The following PRKCH variants were observed in gnomAD, a reference collection of about 807,000 sequenced individuals.
PRKCH encodes protein kinase C eta type.
A neutral mutation model predicts 82.5 loss-of-function variants in PRKCH; 28 were observed. The ratio of observed to expected loss-of-function variants is 0.34; its 90% CI spans 0.25 to 0.47. The LOEUF is 0.47. Ranked by LOEUF, PRKCH falls within the 20% of genes least tolerant of loss-of-function variation. The probability of loss-of-function intolerance (pLI) is 1.00; values close to 1 mark genes in which losing one functional copy is unlikely to be tolerated. For missense variants in PRKCH, 705 were observed against 881.8 expected (o/e 0.80, Z 2.54); for synonymous variants, 322 against 327.4 (o/e 0.98, Z 0.18).
chr14:61,240,457 T>A (rs533700659), intron 1 of PRKCH, among the ~76,000 whole-genome samples: 1 of 152,268 alleles, frequency 6.6e-6, no homozygotes, highest in Non-Finnish European at 1.5e-5. Flanking sequence ...CATGTGGTGT[T>A]ACCTGGAGGT....
chr14:61,474,796 G>A (rs1185080856), intron 9 of PRKCH, among the ~76,000 whole-genome samples: 5 of 152,224 alleles, frequency 3.3e-5, no homozygotes, highest in African/African-American at 1.2e-4. Flanking sequence ...GACCAGAGAA[G>A]AGTTTGTCAT....
intron 7 of PRKCH, among the ~76,000 whole-genome samples, chr14:61,454,530 C>T (rs548245026): frequency 2.6e-5 from 4 of 152,342 alleles, no homozygotes; most frequent in South Asian, 2.1e-4. Flanking sequence ...TGGGCGTCAG[C>T]GTCCTCACCT....
chr14:61,539,949 G>A (rs2043161050), intron 12 of PRKCH, among the ~76,000 whole-genome samples: 1 of 152,200 alleles, frequency 6.6e-6, no homozygotes. Flanking sequence ...TTTTTCTTAT[G>A]ATGTATTTAG....
chr14:61,310,547 T>G lies in PRKCH; in HGVS notation c.-19+122879T>G, dbSNP rs560630348. Among the ~76,000 whole-genome samples the G allele has an allele frequency of 7.9e-5, 12 of 152,286 alleles. No individual in the cohort carries two copies. The East Asian group carries it at 2.3e-3, about 29-fold the overall frequency. On this transcript the variant is annotated intron_variant, in intron 1 of 3. Coordinates refer to the PRKCH transcript ENST00000555185. The stretch of plus-strand genomic sequence containing the variant: ...ATGGCCTTGGGCAGCTCCACCCCTG[T>G]GGGTCTTCAAGGTACAGCTCCCTTC...
intron 10 of PRKCH, among the ~76,000 whole-genome samples, chr14:61,504,540 T>C (rs1339614370): frequency 2.6e-5 from 4 of 152,134 alleles, no homozygotes; most frequent in African/African-American, 9.7e-5. Context: ...TACAAAGAGG[T>C]GTCTGCATTT....
At chr14:61,402,341 G>A (rs1309051286) in intron 2 of PRKCH, among the ~76,000 whole-genome samples, 2 of 152,064 alleles carry the variant, frequency 1.3e-5, no homozygotes, top group African/African-American at 4.8e-5. Context: ...GAGAAACTAC[G>A]CCTTGTTTAC....
intron 7 of PRKCH, among the ~76,000 whole-genome samples, chr14:61,455,405 T>C (rs2140293033): frequency 6.6e-6 from 1 of 152,298 alleles, no homozygotes; most frequent in East Asian, 1.9e-4. Flanking sequence ...TCATACTAAA[T>C]CAGCAATGAC....
intron 12 of PRKCH, among the ~76,000 whole-genome samples, chr14:61,531,687 A>G (rs937938063): frequency 1.3e-5 from 2 of 152,200 alleles, no homozygotes; most frequent in Non-Finnish European, 2.9e-5. Context: ...ACATAGCTCA[A>G]TCCTCAAGCT....
chr14:61,549,499 T>C (rs1393552520), intron 13 of PRKCH, among the ~76,000 whole-genome samples, 186 bp from the exon 14 acceptor site: 3 of 152,188 alleles, frequency 2.0e-5, no homozygotes, highest in Non-Finnish European at 4.4e-5. Context: ...CCAAATGCCA[T>C]AATAATGCAC....
At chr14:61,383,749 T>A (rs1402060998) in intron 1 of PRKCH, among the ~76,000 whole-genome samples, 2 of 151,928 alleles carry the variant, frequency 1.3e-5, no homozygotes, top group Non-Finnish European at 2.9e-5. Flanking sequence ...GAACACGGCA[T>A]GAGCAAATGT....
intron 4 of PRKCH, among the ~76,000 whole-genome samples, chr14:61,447,147 T>C (rs1884265465): frequency 6.6e-6 from 1 of 152,204 alleles, no homozygotes; most frequent in Admixed American, 6.5e-5. Flanking sequence ...AGGAAAATTA[T>C]CAGGAATAAA....
chr14:61,368,961 G>GA (rs2046332864), intron 1 of PRKCH, among the ~76,000 whole-genome samples: 1 of 152,072 alleles, frequency 6.6e-6, no homozygotes, highest in African/African-American at 2.4e-5. Context: ...CAGGCACTGG[G>GA]AAACAGTGAT....
chr14:61,346,189 C>A (rs1237224643), intron 1 of PRKCH, among the ~76,000 whole-genome samples: 1 of 152,082 alleles, frequency 6.6e-6, no homozygotes, highest in Non-Finnish European at 1.5e-5. Context: ...CAGGGTGGCA[C>A]CAATTTTTTT....
intron 2 of PRKCH, among the ~76,000 whole-genome samples, chr14:61,431,729 G>A (rs1400625861): frequency 1.3e-5 from 2 of 152,106 alleles, no homozygotes; most frequent in Non-Finnish European, 2.9e-5. Flanking sequence ...CTCTGCTACT[G>A]AATATATACA....
At chr14:61,470,439 C>T (rs1885449795) in intron 9 of PRKCH, among the ~76,000 whole-genome samples, 1 of 152,092 alleles carries the variant, frequency 6.6e-6, no homozygotes, top group Admixed American at 6.5e-5. Context: ...TGTATTAACC[C>T]ATGTGCTATC....
rs1458684207 is a variant in PRKCH at position 61,457,167 on chromosome 14, C to A, written c.961-9C>A. ...CAATTTCTGACTTAATGTGTTCTTA[C>A]TCTTTCAGAAACTCGTTTCCAGATC... is the stretch of plus-strand genomic sequence containing the variant. On this transcript the variant is annotated splice_polypyrimidine_tract_variant and intron_variant, in intron 7 of 13. Coordinates refer to ENST00000332981, the MANE Select transcript of PRKCH (RefSeq NM_006255.5). 6 of 1,613,454 alleles carry A rather than the reference C, an allele frequency of 3.7e-6. No homozygotes were observed. The highest frequency in any genetic ancestry group is 5.1e-6 in the Non-Finnish European group (6 of 1,179,690).
intron 9 of PRKCH, among the ~76,000 whole-genome samples, chr14:61,484,570 T>G (rs1423036671): frequency 6.6e-6 from 1 of 152,110 alleles, no homozygotes; most frequent in Non-Finnish European, 1.5e-5. Flanking sequence ...AGCACTTTAT[T>G]CACACTACTT....
chr14:61,305,705 GC>G (rs1354181840), intron 1 of PRKCH: 1 of 151,706 alleles, frequency 6.6e-6, no homozygotes, highest in African/African-American at 2.4e-5. Context: ...TTATTTCTTT[GC>G]TGATCATTCT....
At chr14:61,207,464 G>A (rs2140042970) in intron 1 of PRKCH, among the ~76,000 whole-genome samples, 1 of 152,254 alleles carries the variant, frequency 6.6e-6, no homozygotes, top group South Asian at 2.1e-4. Context: ...TTATGCTTTT[G>A]ATGTTTTCTG....
Sources: gnomAD v4.1 joint callset for allele counts (sites outside exome capture counted in the v4.1 genomes callset) on GRCh38, gnomAD v4.1.1 for gene constraint, MANE v1.5 for transcripts, NCBI Gene and HGNC (gene_info 2026-07-23, HGNC 2026-07-21) for gene names.